Variants in COL13A1 observed in about 807,000 individuals in gnomAD.
The protein encoded by COL13A1 is collagen alpha-1(XIII) chain.
A neutral mutation model predicts 130.9 loss-of-function variants in COL13A1; 89 were observed. The observed-to-expected ratio is 0.68, with a 90% confidence interval of 0.57 to 0.81. COL13A1 has a LOEUF of 0.81. Ranked by LOEUF, COL13A1 falls within the 30% of genes least tolerant of loss-of-function variation. COL13A1 has a pLI of 0.00. For synonymous variants in COL13A1, 402 were observed against 341.6 expected (o/e 1.18, Z -1.95); for missense variants, 879 against 934.6 (o/e 0.94, Z 0.78).
chr10:69,915,125 C>G (rs1021861519), intron 17 of COL13A1, among the ~76,000 whole-genome samples: 1 of 152,254 alleles, frequency 6.6e-6, no homozygotes, highest in Non-Finnish European at 1.5e-5. Context: ...GCAATCATAC[C>G]TGTCCTCTGT....
At chr10:69,896,816 C>T (rs545392192) in intron 13 of COL13A1, among the ~76,000 whole-genome samples, 1 of 152,360 alleles carries the variant, frequency 6.6e-6, no homozygotes, top group African/African-American at 2.4e-5. Flanking sequence ...CACAGCCTGT[C>T]AGCGGCATGT....
At chr10:69,918,944 C>T in intron 19 of COL13A1, 118 bp from the exon 20 acceptor site, 1 of 1,183,678 alleles carries the variant, frequency 8.4e-7, no homozygotes, top group South Asian at 1.3e-5. Context: ...CCGGGGCTGG[C>T]CAGATGTTTC....
intron 2 of COL13A1, among the ~76,000 whole-genome samples, chr10:69,835,085 C>T (rs914831075): frequency 2.0e-5 from 3 of 152,174 alleles, no homozygotes; most frequent in Non-Finnish European, 4.4e-5. Context: ...CCCTGTGCCC[C>T]TTCACCCAGG....
intron 24 of COL13A1, 121 bp from the exon 25 acceptor site, chr10:69,924,842 C>A (rs2065142165): frequency 1.1e-6 from 1 of 938,448 alleles, no homozygotes; most frequent in Non-Finnish European, 1.5e-6. Flanking sequence ...GTGGAACCTG[C>A]ACTTCTATGG....
intron 1 of COL13A1, among the ~76,000 whole-genome samples, chr10:69,804,634 C>A (rs61241053): frequency 6.9e-6 from 1 of 144,172 alleles, no homozygotes; most frequent in African/African-American, 2.5e-5. Context: ...ATGTTCTTTG[C>A]GCTGTATCCT....
chr10:69,867,714 C>T, intron 2 of COL13A1, 84 bp from the exon 3 acceptor site: 1 of 713,458 alleles, frequency 1.4e-6, no homozygotes, highest in South Asian at 1.5e-5. Context: ...GCTGATGAAT[C>T]CTTGGACACT....
At chr10:69,877,111 C>A (rs1035322068) in intron 5 of COL13A1, among the ~76,000 whole-genome samples, 1 of 152,204 alleles carries the variant, frequency 6.6e-6, no homozygotes, top group African/African-American at 2.4e-5. Flanking sequence ...TTAAATGAGA[C>A]AATGGGCCCA....
chr10:69,823,469 G>C (rs761640544), intron 2 of COL13A1, among the ~76,000 whole-genome samples: 1 of 152,190 alleles, frequency 6.6e-6, no homozygotes, highest in Non-Finnish European at 1.5e-5. Context: ...AGCTCAGCGT[G>C]TGGCCTCCTC....
chr10:69,897,655 T>C (rs1358191496), intron 13 of COL13A1: 2 of 1,096,210 alleles, frequency 1.8e-6, no homozygotes, highest in East Asian at 5.3e-5. Flanking sequence ...GTGCCACTGC[T>C]GTCCAAGAAG....
intron 7 of COL13A1, among the ~76,000 whole-genome samples, chr10:69,880,836 C>T (rs1023481445): frequency 2.7e-4 from 41 of 152,242 alleles, no homozygotes; most frequent in Non-Finnish European, 1.3e-4. Flanking sequence ...CTGCTGTTTA[C>T]AGACAGAAGG....
At chr10:69,930,194 G>T (rs1399041045) in intron 29 of COL13A1, 107 bp downstream of exon 29, 4 of 1,204,682 alleles carry the variant, frequency 3.3e-6, no homozygotes, top group Non-Finnish European at 4.6e-6. Flanking sequence ...AGCCCAGTGG[G>T]CAAGGGAAGG....
chr10:69,871,429 C>A (rs1037576739), intron 3 of COL13A1, among the ~76,000 whole-genome samples: 11 of 152,178 alleles, frequency 7.2e-5, no homozygotes, highest in Non-Finnish European at 1.5e-4. Flanking sequence ...AACAACACGG[C>A]GGGATGGCAA....
chr10:69,842,492 C>T (rs1326692928), intron 2 of COL13A1, among the ~76,000 whole-genome samples: 2 of 152,156 alleles, frequency 1.3e-5, no homozygotes. Context: ...CCTCTGTAGC[C>T]CTGCTCCCTA....
At position 69,928,839 on chromosome 10, in the gene COL13A1, C is replaced by T. The variant is rs143226672; in HGVS notation, c.1423-98C>T. On this transcript the variant is annotated intron_variant, in intron 27 of 40. Coordinates refer to ENST00000645393, the MANE Select transcript of COL13A1 (RefSeq NM_001368882.1). ...TCACTGGAGAAAGGTCTGTAAACAA[C>T]TTATCTGTACAAGCCAGCCTCCACA... is the stretch of plus-strand genomic sequence containing the variant. 2.2e-3 allele frequency: 1,778 copies of T among 817,832 alleles called. 4 individuals carry two copies. Among genetic ancestry groups the T allele is most frequent in the Non-Finnish European group, 2.9e-3 (1,511 of 514,956 alleles). The allele number at this position is 817,832 out of a possible 1,614,324, so 50.7% of individuals were successfully genotyped here.
In COL13A1 at chr10:69,872,216, T is replaced by C; in HGVS notation, c.399+6T>C. The C allele has an allele frequency of 6.2e-7, 1 of 1,614,038 alleles. No homozygotes were observed. The highest frequency in any genetic ancestry group is 8.5e-7 in the Non-Finnish European group (1 of 1,179,882). ...CTGGAAGACCCGGACTCCCAGTAAG[T>C]CACTTTTGTTTCTTCTTTCCTTTGC... On this transcript the variant is annotated splice_donor_region_variant and intron_variant, in intron 4 of 40. Transcript: ENST00000645393.
intron 27 of COL13A1, among the ~76,000 whole-genome samples, chr10:69,928,539 C>A (rs1162189062): frequency 1.5e-4 from 23 of 152,176 alleles, no homozygotes; most frequent in Non-Finnish European, 1.3e-4. Flanking sequence ...TTTTTCCCTG[C>A]TGAGTAGTAT....
At chr10:69,907,851 A>G (rs867912797) in intron 17 of COL13A1, among the ~76,000 whole-genome samples, 56 of 152,252 alleles carry the variant, frequency 3.7e-4, no homozygotes, top group African/African-American at 1.2e-3. Context: ...CTCCCGCGAC[A>G]GCAACATTAA....
intron 17 of COL13A1, among the ~76,000 whole-genome samples, chr10:69,913,192 T>C (rs1046256054): frequency 6.6e-6 from 1 of 152,236 alleles, no homozygotes; most frequent in Non-Finnish European, 1.5e-5. Flanking sequence ...GGCTGGATGT[T>C]GGCCCAGGAG....
intron 1 of COL13A1, among the ~76,000 whole-genome samples, chr10:69,803,768 C>T (rs1294103533): frequency 5.3e-5 from 8 of 152,172 alleles, no homozygotes; most frequent in Admixed American, 3.9e-4. Flanking sequence ...CCCCACTCTG[C>T]TACTTGGAAG....
Sources: allele counts gnomAD v4.1 joint callset (sites outside exome capture counted in the v4.1 genomes callset), GRCh38; gene constraint gnomAD v4.1.1; transcripts MANE v1.5; gene names NCBI Gene and HGNC (gene_info 2026-07-23, HGNC 2026-07-21).